Variants in C9orf43 observed in about 807,000 individuals in gnomAD.
C9orf43 encodes chromosome 9 open reading frame 43.
C9orf43 carries 45 observed loss-of-function variants against 59.1 expected under a neutral mutation model. The observed-to-expected ratio is 0.76, with a 90% confidence interval of 0.60 to 0.98. C9orf43 has a LOEUF of 0.98. Among genes scored for constraint, C9orf43 ranks in the 50% least tolerant of loss-of-function variants. The pLI is 0.00. For synonymous variants in C9orf43, 203 were observed against 196.8 expected (o/e 1.03, Z -0.26); for missense variants, 533 against 554.9 (o/e 0.96, Z 0.40).
chr9:113,419,966 TATC>T (rs1279303414), intron 4 of C9orf43, among the ~76,000 whole-genome samples: 3 of 152,184 alleles, frequency 2.0e-5, no homozygotes, highest in African/African-American at 7.2e-5. Flanking sequence ...CACTTTTCAA[TATC>T]ATGTGTAGTG....
intron 4 of C9orf43, among the ~76,000 whole-genome samples, chr9:113,419,611 C>G (rs1033201832): frequency 4.7e-5 from 7 of 149,996 alleles, no homozygotes; most frequent in Non-Finnish European, 9.0e-5. Context: ...AATCCTTACC[C>G]TAACTATGCA....
At chr9:113,422,521 TG>T in intron 5 of C9orf43, 27 bp from the exon 6 acceptor site, 3 of 1,612,400 alleles carry the variant, frequency 1.9e-6, no homozygotes, top group Non-Finnish European at 2.5e-6. Flanking sequence ...AAGCATGTTT[TG>T]TTTTGTTTTG....
Position 113,428,929 on chromosome 9 carries a change from C to T in C9orf43, c.1137C>T (p.Tyr379=). 6.2e-7 allele frequency: 1 copy of T among 1,613,866 alleles called. No homozygotes were observed. The highest frequency in any genetic ancestry group is 1.7e-5 in the Admixed American group (1 of 60,016). The change falls in exon 13 of 14, where the codon TAC becomes TAT. Residue 379 remains tyrosine, a synonymous_variant. Transcript: ENST00000374165. ...CCACGGAGAGACCAAAGATGAACTACTATGACCATGCGGATTTCCACCACA... is the reference window on the plus strand; with the variant it reads ...CCACGGAGAGACCAAAGATGAACTATTATGACCATGCGGATTTCCACCACA... The part of the protein sequence containing the change: ...QDSTERPKMN[Y]YDHADFHHSV...
chr9:113,415,188 G>T (rs1828312726), intron 3 of C9orf43, among the ~76,000 whole-genome samples: 1 of 151,614 alleles, frequency 6.6e-6, no homozygotes, highest in African/African-American at 2.4e-5. Context: ...TTGTTGCCTA[G>T]CCTGGAGTAC....
At position 113,429,278 on chromosome 9, in the gene C9orf43, T is replaced by C; in HGVS notation, c.1278T>C (p.Phe426=). The C allele has an allele frequency of 1.2e-6, 2 of 1,614,210 alleles. No homozygotes were observed. Among genetic ancestry groups the C allele is most frequent in the Non-Finnish European group, 1.7e-6 (2 of 1,180,038 alleles). Residue 426 remains phenylalanine, a synonymous_variant, in exon 14 of 14, where the codon TTT becomes TTC. Transcript: ENST00000374165. ...GGCAAAAGAAGATCTCCTTTAACTT[T>C]TCAGAAATTATGGCTAGCACAGGCT... ...AARQKKISFN[F]SEIMASTGWN...
intron 4 of C9orf43, chr9:113,420,749 A>G (rs1314094598): frequency 1.0e-6 from 1 of 985,182 alleles, no homozygotes; most frequent in Non-Finnish European, 1.2e-6. Context: ...TGCAGATTGT[A>G]ATGTCTGTGG....
Position 113,422,580 on chromosome 9 carries a change from G to T in C9orf43, c.478G>T (p.Ala160Ser), listed in dbSNP as rs533864262. The T allele has an allele frequency of 6.2e-7, 1 of 1,613,772 alleles. No homozygotes were observed. The change falls in exon 6 of 14, where the codon GCA becomes TCA. Residue 160 changes from alanine (A) to serine (S), a missense_variant. Coordinates refer to ENST00000374165, the MANE Select transcript of C9orf43 (RefSeq NM_001278629.2). ...TGGGAAGAAGAAAAGAAAGAACTCG[G>T]CAGTGGTGAGTTTGATGTTTTTGTG... ...QHGKKKRKNS[A>S]VKSKSFLGLS...
Position 113,425,032 on chromosome 9 carries a change from G to A in C9orf43, c.821G>A (p.Arg274Gln), listed in dbSNP as rs746600411. ...TTCTTTCTCCAGAGACCAGCACTGCGATATCCTGAACGTTTGAAGAAATTA... is the reference window on the plus strand; with the variant it reads ...TTCTTTCTCCAGAGACCAGCACTGCAATATCCTGAACGTTTGAAGAAATTA... ...HRLTLERPAL[R>Q]YPERLKKLHN... is the part of the protein sequence containing the mutation. The change falls in exon 9 of 14, where the codon CGA becomes CAA. Residue 274 changes from arginine (R) to glutamine (Q), a missense_variant. Arg to Gln is a conservative substitution (Grantham distance 43). Coordinates refer to ENST00000374165, the MANE Select transcript of C9orf43 (RefSeq NM_001278629.2). 10 of 1,612,256 alleles carry A rather than the reference G, an allele frequency of 6.2e-6. No individual in the cohort carries two copies. The African/African-American group carries it at 8.0e-5, about 13-fold the overall frequency.
rs371732185 is a variant in C9orf43 at position 113,425,365 on chromosome 9, GGCAGCAGCA to G, written c.900_908del (p.Gln302_Gln304del). 4 of 1,612,518 alleles carry G rather than the reference GGCAGCAGCA, an allele frequency of 2.5e-6. No homozygotes were observed. The South Asian group carries it at 3.3e-5, about 13-fold the overall frequency. ...CCAGGTTACAGGAAACAGCAGCAGC[GGCAGCAGCA>G]GCAGCAGCAGCAACAGAAGAAGGTG... On this transcript the variant is annotated inframe_deletion, in exon 10 of 14. Transcript: ENST00000374165.
intron 7 of C9orf43, among the ~76,000 whole-genome samples, chr9:113,423,945 T>C (rs1227973127): frequency 6.6e-6 from 1 of 152,196 alleles, no homozygotes; most frequent in Non-Finnish European, 1.5e-5. Flanking sequence ...TCTCAGGTGT[T>C]GTAAAAGCAC....
chr9:113,421,640 C>A (rs574682772), intron 5 of C9orf43, among the ~76,000 whole-genome samples: 1 of 152,078 alleles, frequency 6.6e-6, no homozygotes, highest in South Asian at 2.1e-4. Context: ...GTGACAAAGA[C>A]CATTTGGTGA....
At chr9:113,429,037 A>G in intron 13 of C9orf43, 74 bp downstream of exon 13, 1 of 1,510,188 alleles carries the variant, frequency 6.6e-7, no homozygotes, top group Non-Finnish European at 9.2e-7. Context: ...TGACCAGGAT[A>G]GTTTACCTCC....
intron 3 of C9orf43, among the ~76,000 whole-genome samples, chr9:113,414,499 G>T (rs1340462666): frequency 6.6e-6 from 1 of 151,222 alleles, no homozygotes; most frequent in African/African-American, 2.4e-5. Context: ...TGCCTGGGCC[G>T]GTCTTGAACT....
At position 113,418,939 on chromosome 9, in the gene C9orf43, C is replaced by T. The variant is rs138801132; in HGVS notation, c.288-169C>T. Among the ~76,000 whole-genome samples, 164 of 152,188 alleles carry T rather than the reference C, an allele frequency of 1.1e-3. 1 individual carries two copies. The highest frequency in any genetic ancestry group is 1.6e-3 in the Non-Finnish European group (108 of 68,010). On this transcript the variant is annotated intron_variant, in intron 3 of 13. Coordinates refer to ENST00000374165, the MANE Select transcript of C9orf43 (RefSeq NM_001278629.2). ...TGCAATGTCTGTTAAGGAGCTGTTC[C>T]GGGAAAAACAAACAAAACTTAAGGA... is the stretch of plus-strand genomic sequence containing the variant.
chr9:113,412,004 T>TC (rs1237730081), intron 1 of C9orf43, among the ~76,000 whole-genome samples: 6 of 152,328 alleles, frequency 3.9e-5, no homozygotes, highest in South Asian at 2.1e-4. Context: ...TGCTTTTTTT[T>TC]CCCGTCAAGC....
rs1408456376 is a variant in C9orf43 at position 113,410,846 on chromosome 9, G to T, written c.-205G>T. ...TGATTTAGCAACCCTAAGCGGTTTG[G>T]AATCTGCTTTGCTCTCACAGGACCT... is the stretch of plus-strand genomic sequence containing the variant. On this transcript the variant is annotated 5_prime_UTR_variant, in exon 1 of 14. Coordinates refer to ENST00000374165, the MANE Select transcript of C9orf43 (RefSeq NM_001278629.2). The T allele has an allele frequency of 9.8e-6, 7 of 716,994 alleles. No homozygotes were observed. Among genetic ancestry groups the T allele is most frequent in the Non-Finnish European group, 1.2e-5 (7 of 583,116 alleles). 44.4% of individuals were successfully genotyped at this position (716,994 alleles called of 1,614,324 possible).
Position 113,421,107 on chromosome 9 carries a change from C to G in C9orf43, c.350C>G (p.Pro117Arg), listed in dbSNP as rs938881968. 2 of 1,612,446 alleles carry G rather than the reference C, an allele frequency of 1.2e-6. No individual in the cohort carries two copies. The highest frequency in any genetic ancestry group is 1.7e-6 in the Non-Finnish European group (2 of 1,178,722). ...INCTNRLPKF[P>R]VLNLNETQLP... ...GGCTTTATATCTTTCTCTTAGTTTC[C>G]AGTGTTGAATTTGAATGAGACGCAA... Residue 117 changes from proline (P) to arginine (R), a missense_variant, in exon 5 of 14, where the codon CCA becomes CGA. By Grantham distance (103) the Pro-to-Arg change is moderately radical. Coordinates refer to ENST00000374165, the MANE Select transcript of C9orf43 (RefSeq NM_001278629.2).
intron 10 of C9orf43, 84 bp downstream of exon 10, chr9:113,425,504 C>T (rs1828755006): frequency 1.3e-6 from 2 of 1,512,546 alleles, no homozygotes; most frequent in Admixed American, 2.1e-5. Flanking sequence ...GTGGGGGTCT[C>T]CTTGTTTTCT....
At chr9:113,426,765 T>C (rs912415633) in intron 11 of C9orf43, among the ~76,000 whole-genome samples, 1 of 152,226 alleles carries the variant, frequency 6.6e-6, no homozygotes, top group African/African-American at 2.4e-5. Context: ...GTGCCTTTTG[T>C]ACCCCTTCCC....
Sources: gnomAD v4.1 joint callset for allele counts (sites outside exome capture counted in the v4.1 genomes callset) on GRCh38, gnomAD v4.1.1 for gene constraint, MANE v1.5 for transcripts, NCBI Gene and HGNC (gene_info 2026-07-23, HGNC 2026-07-21) for gene names.